Variants in TNRC6C observed in about 807,000 individuals in gnomAD.
The protein encoded by TNRC6C is trinucleotide repeat containing adaptor 6C, also known as trinucleotide repeat-containing gene 6C protein.
A neutral mutation model predicts 153.7 loss-of-function variants in TNRC6C; 20 were observed. That is an observed-to-expected ratio of 0.13 (90% CI 0.09 to 0.19). TNRC6C has a LOEUF of 0.19. TNRC6C is among the 10% of genes least tolerant of loss of function. The pLI is 1.00. For missense variants in TNRC6C, 1,987 were observed against 2,172.0 expected (o/e 0.91, Z 1.69); for synonymous variants, 811 against 841.4 (o/e 0.96, Z 0.63).
At chr17:78,052,374 T>C (rs1326157656) in intron 3 of TNRC6C, among the ~76,000 whole-genome samples, 2 of 152,178 alleles carry the variant, frequency 1.3e-5, no homozygotes, top group African/African-American at 4.8e-5. Flanking sequence ...GTGAATTTAT[T>C]GGGACCTGCC....
At chr17:78,072,233 G>A (rs1357535519) in intron 6 of TNRC6C, among the ~76,000 whole-genome samples, 1 of 152,172 alleles carries the variant, frequency 6.6e-6, no homozygotes, top group Non-Finnish European at 1.5e-5. Context: ...AGCGTGTCCT[G>A]ATTTATACTG....
intron 1 of TNRC6C, among the ~76,000 whole-genome samples, chr17:78,021,791 A>G (rs2071837283): frequency 6.6e-6 from 1 of 152,142 alleles, no homozygotes; most frequent in Non-Finnish European, 1.5e-5. Flanking sequence ...GCTGGTCTTG[A>G]ACTCCTGACT....
chr17:78,005,040 CTCTT>C (rs1002555587), upstream of TNRC6C: 5 of 1,207,854 alleles, frequency 4.1e-6, no homozygotes, highest in African/African-American at 6.3e-5. Context: ...TTCTTTCTCT[CTCTT>C]TTTTTTTTTT....
intron 17 of TNRC6C, among the ~76,000 whole-genome samples, chr17:78,099,059 C>T (rs1362951908): frequency 1.3e-5 from 2 of 152,198 alleles, no homozygotes; most frequent in African/African-American, 4.8e-5. Flanking sequence ...TGCTGCATGT[C>T]GAACCTCAGA....
upstream of TNRC6C, among the ~76,000 whole-genome samples, chr17:78,002,859 T>C (rs1412956709): frequency 6.6e-6 from 1 of 152,190 alleles, no homozygotes; most frequent in Non-Finnish European, 1.5e-5. Context: ...AGTTCTTCAG[T>C]GATTGAATTA....
upstream of TNRC6C, among the ~76,000 whole-genome samples, chr17:77,999,481 C>CGTT (rs138308114): frequency 2.9e-4 from 44 of 152,104 alleles, no homozygotes; most frequent in Non-Finnish European, 4.1e-4. Context: ...TGTCCAGTTT[C>CGTT]GTTGTTGTTG....
intron 1 of TNRC6C, among the ~76,000 whole-genome samples, chr17:77,970,081 C>T (rs182515703): frequency 6.6e-6 from 1 of 152,336 alleles, no homozygotes; most frequent in East Asian, 1.9e-4. Context: ...ATTTCCCTCA[C>T]TTGACCCATT....
chr17:78,050,640 C>T (rs373687623), exon 3 of TNRC6C: 9 of 1,568,050 alleles, frequency 5.7e-6, no homozygotes, highest in African/African-American at 2.7e-5. Context: ...GGGGAGACAG[C>T]AACAACAAAG....
intron 1 of TNRC6C, among the ~76,000 whole-genome samples, chr17:77,979,163 A>T (rs1177858732): frequency 1.3e-5 from 2 of 152,230 alleles, no homozygotes; most frequent in African/African-American, 2.4e-5. Context: ...GGACACTATT[A>T]AAAAAGTTAA....
chr17:78,086,358 A>AAC, intron 11 of TNRC6C, 145 bp from the exon 14 acceptor site: 1 of 410,374 alleles, frequency 2.4e-6, no homozygotes, highest in South Asian at 3.9e-5. Context: ...AAAAAAAAAA[A>AAC]AACAGTATGT....
In TNRC6C at chr17:77,973,618, G is replaced by A. The variant is rs544230254; in HGVS notation, c.-38+14350G>A. Among the ~76,000 whole-genome samples, 3 of 152,306 alleles carry A rather than the reference G, an allele frequency of 2.0e-5. No individual in the cohort carries two copies. The East Asian group carries it at 5.8e-4, about 29-fold the overall frequency. On this transcript the variant is annotated intron_variant, in intron 1 of 22. Transcript: ENST00000636222. ...TAGGAATCCACAAGAAAGGTTACTT[G>A]AACTAGTAAATAAGTTTAGTAAGGT... is the stretch of plus-strand genomic sequence containing the variant.
At chr17:78,040,408 A>G (rs894513370) in intron 2 of TNRC6C, among the ~76,000 whole-genome samples, 1 of 152,244 alleles carries the variant, frequency 6.6e-6, no homozygotes, top group Non-Finnish European at 1.5e-5. Flanking sequence ...TTGTACATTT[A>G]TAAACAGAGG....
intron 3 of TNRC6C, among the ~76,000 whole-genome samples, chr17:78,057,825 T>TTGTG (rs113475283): frequency 1.6e-4 from 25 of 151,580 alleles, no homozygotes; most frequent in East Asian, 3.9e-4. Context: ...AATTACATTT[T>TTGTG]TGTGTGTGTG....
chr17:78,069,355 C>T (rs1024454631), intron 5 of TNRC6C, among the ~76,000 whole-genome samples: 18 of 152,096 alleles, frequency 1.2e-4, no homozygotes, highest in African/African-American at 4.1e-4. Context: ...GAGACACCTG[C>T]CATTTTTCAT....
At chr17:78,095,237 C>T (rs2073464108) in intron 16 of TNRC6C, among the ~76,000 whole-genome samples, 1 of 152,210 alleles carries the variant, frequency 6.6e-6, no homozygotes, top group Non-Finnish European at 1.5e-5. Flanking sequence ...CAGCCATCGC[C>T]TGAGTGTGCC....
At chr17:78,074,321 A>C (rs1444130358) in intron 7 of TNRC6C, among the ~76,000 whole-genome samples, 1 of 152,234 alleles carries the variant, frequency 6.6e-6, no homozygotes, top group Non-Finnish European at 1.5e-5. Flanking sequence ...CAATCTGCAC[A>C]TGTCCACAAA....
rs140023949 is a variant in TNRC6C, at chr17:78,093,386, G to A, written c.4163-234G>A. On this transcript the variant is annotated intron_variant, in intron 15 of 19. Transcript: ENST00000301624. ...GAGGAAGCACACTGCACACTATCCG[G>A]TAAAACTATTCCAACCCTGTGTGAA... 4.3e-4 allele frequency: 289 copies of A among 669,550 alleles called. 3 individuals carry two copies. In the African/African-American group the frequency reaches 4.9e-3, roughly 11 times the overall value. The allele number at this position is 669,550 out of a possible 1,614,324, so 41.5% of individuals were successfully genotyped here.
At chr17:77,974,448 C>G (rs2070969682) in intron 1 of TNRC6C, among the ~76,000 whole-genome samples, 1 of 152,008 alleles carries the variant, frequency 6.6e-6, no homozygotes, top group South Asian at 2.1e-4. Context: ...CCTGTAAAAT[C>G]AGCAGTCATG....
intron 13 of TNRC6C, among the ~76,000 whole-genome samples, chr17:78,088,426 G>T (rs900154114): frequency 1.3e-5 from 2 of 151,638 alleles, no homozygotes; most frequent in Non-Finnish European, 2.9e-5. Context: ...TAGAGACAGG[G>T]TCTTTCTATG....
Sources: allele counts gnomAD v4.1 joint callset (sites outside exome capture counted in the v4.1 genomes callset), GRCh38; gene constraint gnomAD v4.1.1; transcripts MANE v1.5; gene names NCBI Gene and HGNC (gene_info 2026-07-23, HGNC 2026-07-21).